C11orf65: variants seen among roughly 807,000 people sequenced by gnomAD.
C11orf65 encodes the protein protein MFI.
Under a neutral mutation model 35.3 loss-of-function variants are expected in C11orf65, and 38 were observed. The observed-to-expected ratio is 1.08, with a 90% CI of 0.83 to 1.41. The LOEUF (loss-of-function observed/expected upper bound fraction) is 1.41. Among genes scored for constraint, C11orf65 ranks in the 40% most tolerant of loss-of-function variants. The pLI is 0.00. For missense variants in C11orf65, 370 were observed against 367.1 expected (o/e 1.01, Z -0.06); for synonymous variants, 105 against 114.4 (o/e 0.92, Z 0.53).
chr11:108,330,234 G>T (rs587782310), downstream of C11orf65: 1 of 1,614,138 alleles, frequency 6.2e-7, no homozygotes, highest in African/African-American at 1.3e-5. Flanking sequence ...AAGGTTCAGC[G>T]AGAGCTGGAG....
intron 2 of C11orf65, among the ~76,000 whole-genome samples, chr11:108,455,682 G>A (rs1044972171): frequency 1.4e-4 from 21 of 152,014 alleles, no homozygotes; most frequent in African/African-American, 4.8e-4. Flanking sequence ...CAGGTGTGGC[G>A]GCACATGCCT....
At chr11:108,433,963 G>C (rs2093029471) in intron 2 of C11orf65, among the ~76,000 whole-genome samples, 1 of 152,208 alleles carries the variant, frequency 6.6e-6, no homozygotes, top group Non-Finnish European at 1.5e-5. Context: ...GATTTGGAAA[G>C]AACATGGTTA....
chr11:108,390,207 G>T (rs570207677), intron 7 of C11orf65, among the ~76,000 whole-genome samples: 1 of 151,596 alleles, frequency 6.6e-6, no homozygotes, highest in African/African-American at 2.4e-5. Flanking sequence ...TGTATTTTTA[G>T]TGGAGACGGG....
At chr11:108,358,204 GATGAA>G (rs892026092) in intron 2 of C11orf65, among the ~76,000 whole-genome samples, 2 of 151,766 alleles carry the variant, frequency 1.3e-5, no homozygotes, top group East Asian at 3.9e-4. Context: ...AGCGATGGAA[GATGAA>G]ATGAATGAAA....
At chr11:108,354,695 A>G in intron 2 of C11orf65, 4 of 918,084 alleles carry the variant, frequency 4.4e-6, no homozygotes, top group Admixed American at 1.7e-5. Context: ...TGAGATACAG[A>G]TATGTAGATT....
In C11orf65 at chr11:108,326,170, T is replaced by C. The variant is rs2085661534; in HGVS notation, c.641-17099A>G. 6.2e-7 allele frequency: 1 copy of C among 1,614,170 alleles called. No individual in the cohort carries two copies. The highest frequency in any genetic ancestry group is 8.5e-7 in the Non-Finnish European group (1 of 1,180,020). On this transcript the variant is annotated intron_variant, in intron 6 of 6. Coordinates refer to the C11orf65 transcript ENST00000525729. The stretch of plus-strand genomic sequence containing the variant: ...TTCTGGGCAAAAAAGGAGCAGAGTC[T>C]TGCCCTGAGTATTCTCAAGCAAATG...
At chr11:108,433,091 T>A (rs891672641) in intron 2 of C11orf65, among the ~76,000 whole-genome samples, 3 of 152,062 alleles carry the variant, frequency 2.0e-5, no homozygotes, top group African/African-American at 7.2e-5. Context: ...TTTTGGAATA[T>A]CTAGGATAGC....
chr11:108,392,580 C>A (rs1178295663), intron 7 of C11orf65, among the ~76,000 whole-genome samples: 2 of 152,174 alleles, frequency 1.3e-5, no homozygotes, highest in Non-Finnish European at 2.9e-5. Context: ...ACTTGAGGAA[C>A]TGCCAGATTG....
Position 108,325,782 on chromosome 11 carries a change from G to C in C11orf65, c.641-16711C>G, listed in dbSNP as rs609429. Reference sequence around the variant, plus strand: ...TCCTGGTTATAAAATGAGAAGATACGTAACTTACTATATTGATAACAATTC... The same window carrying C: ...TCCTGGTTATAAAATGAGAAGATACCTAACTTACTATATTGATAACAATTC... On this transcript the variant is annotated intron_variant, in intron 6 of 6. Coordinates refer to the C11orf65 transcript ENST00000525729. Among the ~76,000 whole-genome samples the C allele has an allele frequency of 0.54, 81,653 of 151,936 alleles. 22,539 individuals carry two copies. Among genetic ancestry groups the C allele is most frequent in the Middle Eastern group, 0.75 (218 of 292 alleles).
chr11:108,340,527 T>C (rs2087423461), intron 2 of C11orf65, among the ~76,000 whole-genome samples: 1 of 152,214 alleles, frequency 6.6e-6, no homozygotes, highest in African/African-American at 2.4e-5. Context: ...GTCCTATTGG[T>C]CAACTTCCAG....
At chr11:108,397,388 C>T (rs1346926949) in intron 6 of C11orf65, among the ~76,000 whole-genome samples, 1 of 150,474 alleles carries the variant, frequency 6.6e-6, no homozygotes, top group Non-Finnish European at 1.5e-5. Context: ...TAGTTGTATT[C>T]ACCTTAACAT....
chr11:108,457,337 T>C (rs1239471122), intron 2 of C11orf65, among the ~76,000 whole-genome samples: 4 of 152,006 alleles, frequency 2.6e-5, no homozygotes, highest in Admixed American at 6.6e-5. Flanking sequence ...TACTAGAAGA[T>C]CTACAATAAA....
At chr11:108,366,990 C>T (rs1453833281) in intron 2 of C11orf65, 1 of 201,818 alleles carries the variant, frequency 5.0e-6, no homozygotes, top group South Asian at 1.9e-4. Context: ...GTTTTTCATT[C>T]CCCTCATTTT....
chr11:108,312,405 A>C, intron 6 of C11orf65: 1 of 1,574,818 alleles, frequency 6.3e-7, no homozygotes, highest in East Asian at 2.2e-5. Context: ...TTCTTGTGAC[A>C]AACAGAAGTC....
In C11orf65 at chr11:108,383,041, C is replaced by T; in HGVS notation, c.922G>A (p.Asp308Asn). ...QEPNVTRLTP[D>N]STYGL ...GTACTTTATAGTCCATAAGTAGAATCAGGCGTTAATCTAGTTACATTTGGT... is the reference window on the plus strand; with the variant it reads ...GTACTTTATAGTCCATAAGTAGAATTAGGCGTTAATCTAGTTACATTTGGT... The change falls in exon 9 of 9, where the codon GAT becomes AAT. Residue 308 changes from aspartate to asparagine, a missense_variant. By Grantham distance (23) the Asp-to-Asn change is conservative. Coordinates refer to ENST00000393084, the MANE Select transcript of C11orf65 (RefSeq NM_152587.5). 6.2e-7 allele frequency: 1 copy of T among 1,610,580 alleles called. No homozygotes were observed. Among genetic ancestry groups the T allele is most frequent in the Non-Finnish European group, 8.5e-7 (1 of 1,179,214 alleles).
chr11:108,368,575 A>C, intron 2 of C11orf65: 1 of 218,448 alleles, frequency 4.6e-6, no homozygotes. Context: ...TAATATGGAC[A>C]GTATCTAACT....
chr11:108,361,497 C>G (rs2090749533), intron 2 of C11orf65, among the ~76,000 whole-genome samples: 1 of 151,958 alleles, frequency 6.6e-6, no homozygotes, highest in South Asian at 2.1e-4. Context: ...CAAGTCAATC[C>G]TAAGCCAAAA....
intron 8 of C11orf65, 143 bp from the exon 9 acceptor site, chr11:108,383,318 A>G (rs1183761010): frequency 1.5e-6 from 1 of 674,784 alleles, no homozygotes; most frequent in Non-Finnish European, 2.4e-6. Context: ...AAACACCCCA[A>G]ATTTCTGAGT....
At chr11:108,421,173 C>T (rs987174822) in intron 3 of C11orf65, among the ~76,000 whole-genome samples, 8 of 152,172 alleles carry the variant, frequency 5.3e-5, no homozygotes, top group Non-Finnish European at 1.2e-4. Context: ...TCTTTCTCCT[C>T]AGCTTCATTC....
Sources: allele counts gnomAD v4.1 joint callset (sites outside exome capture counted in the v4.1 genomes callset), GRCh38; gene constraint gnomAD v4.1.1; transcripts MANE v1.5; gene names NCBI Gene and HGNC (gene_info 2026-07-23, HGNC 2026-07-21).